The following HCN1 variants were observed in gnomAD, a reference collection of about 807,000 sequenced individuals.
HCN1 encodes potassium/sodium hyperpolarization-activated cyclic nucleotide-gated channel 1.
Under a neutral mutation model 78.9 loss-of-function variants are expected in HCN1, and 13 were observed. The ratio of observed to expected loss-of-function variants is 0.16; its 90% CI spans 0.11 to 0.26. HCN1 has a LOEUF of 0.26. Ranked by LOEUF, HCN1 falls within the 10% of genes least tolerant of loss-of-function variation. HCN1 has a pLI of 1.00. For synonymous variants in HCN1, 552 were observed against 455.5 expected (o/e 1.21, Z -2.70); for missense variants, 810 against 1,154.3 (o/e 0.70, Z 4.32).
At chr5:45,525,616 T>A (rs1231027159) in intron 2 of HCN1, among the ~76,000 whole-genome samples, 1 of 151,930 alleles carries the variant, frequency 6.6e-6, no homozygotes, top group East Asian at 1.9e-4. Flanking sequence ...AAAATTATGA[T>A]TACCCCAAAC....
chr5:45,323,546 A>T (rs1299316168), intron 5 of HCN1, among the ~76,000 whole-genome samples: 1 of 151,750 alleles, frequency 6.6e-6, no homozygotes, highest in Non-Finnish European at 1.5e-5. Flanking sequence ...AACATAGAGT[A>T]AAATTTTTCT....
At chr5:45,517,062 T>A (rs1228846139) in intron 2 of HCN1, among the ~76,000 whole-genome samples, 1 of 151,956 alleles carries the variant, frequency 6.6e-6, no homozygotes, top group Non-Finnish European at 1.5e-5. Flanking sequence ...AGGAAAAAAA[T>A]TGTAAGACTG....
intron 6 of HCN1, among the ~76,000 whole-genome samples, chr5:45,275,879 T>C (rs377565431): frequency 6.6e-5 from 10 of 152,154 alleles, no homozygotes; most frequent in African/African-American, 1.9e-4. Flanking sequence ...CCATTCCAAA[T>C]TGTCCCTTTC....
intron 1 of HCN1, among the ~76,000 whole-genome samples, chr5:45,693,166 AG>A (rs1434136590): frequency 3.9e-5 from 6 of 152,184 alleles, no homozygotes; most frequent in African/African-American, 1.4e-4. Context: ...AACTACCGCT[AG>A]AATTTTGTCT....
intron 2 of HCN1, among the ~76,000 whole-genome samples, chr5:45,476,163 C>A (rs541948276): frequency 6.6e-6 from 1 of 152,188 alleles, no homozygotes; most frequent in South Asian, 2.1e-4. Flanking sequence ...TCCTAAAACC[C>A]TCTCTCTTTC....
intron 1 of HCN1, among the ~76,000 whole-genome samples, chr5:45,654,301 T>C (rs1376057297): frequency 6.6e-6 from 1 of 152,094 alleles, no homozygotes; most frequent in African/African-American, 2.4e-5. Context: ...GACATGTAGA[T>C]TTTCCATTTA....
intron 1 of HCN1, among the ~76,000 whole-genome samples, chr5:45,682,230 T>C (rs1739714552): frequency 6.7e-6 from 1 of 148,614 alleles, no homozygotes; most frequent in Non-Finnish European, 1.5e-5. Flanking sequence ...TTATAGCAGC[T>C]CAAAAGAACT....
chr5:45,373,127 T>A (rs1289013819), intron 4 of HCN1, among the ~76,000 whole-genome samples: 1 of 127,556 alleles, frequency 7.8e-6, no homozygotes, highest in Non-Finnish European at 1.6e-5. Context: ...ATCATATATA[T>A]AAAATATATA....
intron 6 of HCN1, among the ~76,000 whole-genome samples, chr5:45,300,542 A>G (rs1405092224): frequency 6.6e-6 from 1 of 152,072 alleles, no homozygotes; most frequent in Non-Finnish European, 1.5e-5. Context: ...AGCTAACTTA[A>G]TTGTAAGAAT....
At chr5:45,331,601 A>T (rs1397707798) in intron 5 of HCN1, among the ~76,000 whole-genome samples, 1 of 151,378 alleles carries the variant, frequency 6.6e-6, no homozygotes, top group African/African-American at 2.4e-5. Flanking sequence ...AAGAGCTCAG[A>T]TCTTTCTAAT....
At chr5:45,282,217 T>C (rs896737336) in intron 6 of HCN1, among the ~76,000 whole-genome samples, 2 of 152,188 alleles carry the variant, frequency 1.3e-5, no homozygotes, top group African/African-American at 2.4e-5. Flanking sequence ...TGTAGTTACA[T>C]TGACAATATT....
intron 4 of HCN1, among the ~76,000 whole-genome samples, chr5:45,359,422 T>A (rs1340215746): frequency 6.7e-6 from 1 of 149,828 alleles, no homozygotes. Flanking sequence ...AAAAAATATA[T>A]ATATATATAT....
intron 2 of HCN1, among the ~76,000 whole-genome samples, chr5:45,462,339 C>A (rs1741179461): frequency 6.6e-6 from 1 of 152,042 alleles, no homozygotes; most frequent in African/African-American, 2.4e-5. Flanking sequence ...AACAAGGTAG[C>A]AAAATTTACA....
intron 1 of HCN1, among the ~76,000 whole-genome samples, chr5:45,693,767 TATC>T (rs1350049118): frequency 6.6e-6 from 1 of 152,208 alleles, no homozygotes; most frequent in East Asian, 1.9e-4. Flanking sequence ...TGATGTGTGG[TATC>T]ATTTTGATAA....
intron 2 of HCN1, among the ~76,000 whole-genome samples, chr5:45,492,049 C>T (rs1299018660): frequency 6.6e-6 from 1 of 152,010 alleles, no homozygotes; most frequent in Non-Finnish European, 1.5e-5. Context: ...TAGATAATCA[C>T]TGAATTTCTA....
intron 4 of HCN1, among the ~76,000 whole-genome samples, chr5:45,380,922 G>C (rs529678438): frequency 1.3e-5 from 2 of 152,220 alleles, no homozygotes; most frequent in Non-Finnish European, 2.9e-5. Flanking sequence ...CTCTTCCAGA[G>C]AAAATGGCAC....
rs556415579 is a variant in HCN1, at chr5:45,332,062, G to A, written c.1377+21038C>T. On this transcript the variant is annotated intron_variant, in intron 5 of 7. Transcript: ENST00000303230. ...TGTAGTATACATATGTTCTTTAATG[G>A]TTCTGATTTTAAACTCTGGAAAACA... Among the ~76,000 whole-genome samples, 9 of 151,472 alleles carry A rather than the reference G, an allele frequency of 5.9e-5. No individual in the cohort carries two copies. The East Asian group carries it at 1.8e-3, about 29-fold the overall frequency.
At chr5:45,510,111 C>T (rs1174964624) in intron 2 of HCN1, among the ~76,000 whole-genome samples, 1 of 152,004 alleles carries the variant, frequency 6.6e-6, no homozygotes, top group Non-Finnish European at 1.5e-5. Flanking sequence ...TCTTCAAGAG[C>T]TTATGGTCTA....
At chr5:45,487,066 C>T (rs953249780) in intron 2 of HCN1, among the ~76,000 whole-genome samples, 5 of 152,060 alleles carry the variant, frequency 3.3e-5, no homozygotes, top group African/African-American at 9.7e-5. Context: ...TTGTTTCTTA[C>T]TTCCTTAAGC....
Sources: allele counts gnomAD v4.1 joint callset (sites outside exome capture counted in the v4.1 genomes callset), GRCh38; gene constraint gnomAD v4.1.1; transcripts MANE v1.5; gene names NCBI Gene and HGNC (gene_info 2026-07-23, HGNC 2026-07-21).